DDX60L: variants seen among roughly 807,000 people sequenced by gnomAD.
The protein encoded by DDX60L is probable ATP-dependent RNA helicase DDX60-like.
A neutral mutation model predicts 211.6 loss-of-function variants in DDX60L; 191 were observed. The observed-to-expected ratio is 0.90, with a 90% CI of 0.80 to 1.02. DDX60L has a LOEUF of 1.02. Ranked by LOEUF, DDX60L falls within the 50% of genes least tolerant of loss-of-function variation. The probability of loss-of-function intolerance (pLI) is 0.00; values close to 1 mark genes in which losing one functional copy is unlikely to be tolerated. For synonymous variants in DDX60L, 706 were observed against 694.1 expected (o/e 1.02, Z -0.27); for missense variants, 2,007 against 1,984.1 (o/e 1.01, Z -0.22).
intron 33 of DDX60L, among the ~76,000 whole-genome samples, chr4:168,377,249 G>A (rs1032630268): frequency 5.3e-5 from 8 of 151,796 alleles, no homozygotes; most frequent in African/African-American, 1.5e-4. Flanking sequence ...CTGAGATTGC[G>A]CCACTGCACT....
At chr4:168,422,433 A>G (rs1750782805) in intron 16 of DDX60L, 91 bp downstream of exon 16, 2 of 1,253,756 alleles carry the variant, frequency 1.6e-6, no homozygotes, top group South Asian at 3.3e-5. Flanking sequence ...CAAGATTAAG[A>G]AGTTTATGCA....
chr4:168,457,545 A>C (rs965233072), intron 6 of DDX60L, among the ~76,000 whole-genome samples: 1 of 152,154 alleles, frequency 6.6e-6, no homozygotes, highest in Non-Finnish European at 1.5e-5. Flanking sequence ...TTAAGGTATA[A>C]TTAATTCCAC....
chr4:168,477,636 G>C (rs1297382056), intron 1 of DDX60L, among the ~76,000 whole-genome samples: 1 of 152,072 alleles, frequency 6.6e-6, no homozygotes, highest in Admixed American at 6.6e-5. Flanking sequence ...AATCAAACAT[G>C]GTATGTATCT....
intron 10 of DDX60L, 52 bp from the exon 11 acceptor site, chr4:168,433,167 T>C: frequency 1.7e-6 from 2 of 1,187,308 alleles, no homozygotes; most frequent in East Asian, 2.6e-5. Flanking sequence ...CTATCCTATA[T>C]GAATTTTGAA....
chr4:168,379,695 C>T (rs1200540173), intron 31 of DDX60L, 31 bp downstream of exon 31: 1 of 1,553,962 alleles, frequency 6.4e-7, no homozygotes, highest in South Asian at 1.1e-5. Context: ...GTACTAGTTA[C>T]AGAGAACAAA....
intron 3 of DDX60L, 119 bp downstream of exon 3, chr4:168,472,336 C>T: frequency 5.3e-6 from 4 of 748,222 alleles, no homozygotes; most frequent in South Asian, 3.9e-5. Flanking sequence ...CCATCATCTC[C>T]AAGCTGCTCC....
At chr4:168,409,883 C>T (rs1034434175) in intron 22 of DDX60L, among the ~76,000 whole-genome samples, 4 of 152,110 alleles carry the variant, frequency 2.6e-5, no homozygotes, top group Admixed American at 6.5e-5. Context: ...CCCTCTTTTT[C>T]CTCATCTGTA....
chr4:168,412,643 C>T (rs1748882725), intron 22 of DDX60L, among the ~76,000 whole-genome samples: 1 of 152,196 alleles, frequency 6.6e-6, no homozygotes, highest in South Asian at 2.1e-4. Context: ...GCTTCACCAC[C>T]TACTGATTGT....
chr4:168,360,961 C>T (rs2684346), intron 37 of DDX60L, among the ~76,000 whole-genome samples, 188 bp downstream of exon 37: 109,986 of 152,140 alleles, frequency 0.72, 40,799 homozygotes, highest in East Asian at 0.85. Context: ...AAAAAAACAG[C>T]GTGACAGTGT....
chr4:168,410,059 G>A (rs1748415872), intron 22 of DDX60L, among the ~76,000 whole-genome samples: 1 of 152,062 alleles, frequency 6.6e-6, no homozygotes, highest in Admixed American at 6.6e-5. Flanking sequence ...GGCACTATGA[G>A]CTAGCTATAA....
intron 25 of DDX60L, among the ~76,000 whole-genome samples, chr4:168,402,124 CTTT>C (rs60345965): frequency 9.2e-6 from 1 of 108,500 alleles, no homozygotes. Flanking sequence ...ACTTCAGAGG[CTTT>C]TTTTTTTTTT....
Position 168,432,498 on chromosome 4 carries a change from T to G in DDX60L, c.1473A>C (p.Arg491Ser), listed in dbSNP as rs763478470. The G allele has an allele frequency of 6.3e-7, 1 of 1,585,158 alleles. No individual in the cohort carries two copies. Among genetic ancestry groups the G allele is most frequent in the South Asian group, 1.1e-5 (1 of 87,194 alleles). ...SDELLHWHAQ[R>S]LLSDDYDRIK... ...TCCTGTCATAGTCGTCACTAAGGAG[T>G]CTTTGAGCATGCCAGTGCAAAAGTT... The change falls in exon 12 of 38, where the codon AGA (arginine) becomes AGC (serine). Residue 491 changes from arginine to serine, a missense_variant. Physicochemically the swap from Arg to Ser is moderately radical, Grantham distance 110. Transcript: ENST00000682922.
intron 22 of DDX60L, among the ~76,000 whole-genome samples, chr4:168,411,478 G>A (rs1441558366): frequency 6.6e-6 from 1 of 152,178 alleles, no homozygotes; most frequent in Non-Finnish European, 1.5e-5. Context: ...ACAGCGAAAA[G>A]CAACACCAGG....
intron 28 of DDX60L, among the ~76,000 whole-genome samples, chr4:168,393,995 A>G (rs902778339): frequency 1.3e-5 from 2 of 152,028 alleles, no homozygotes; most frequent in Non-Finnish European, 2.9e-5. Context: ...GAGTTCGAGA[A>G]CAGGCTGGCC....
At chr4:168,388,280 G>C (rs535684235) in intron 29 of DDX60L, among the ~76,000 whole-genome samples, 1 of 152,288 alleles carries the variant, frequency 6.6e-6, no homozygotes, top group East Asian at 1.9e-4. Context: ...ATTTCAATCA[G>C]GGGAAAGAAG....
At chr4:168,436,948 T>C (rs879842881) in intron 10 of DDX60L, among the ~76,000 whole-genome samples, 2 of 152,156 alleles carry the variant, frequency 1.3e-5, no homozygotes, top group Admixed American at 1.3e-4. Context: ...CCAGGGGACA[T>C]TGGGCTGCTA....
At chr4:168,448,611 T>A (rs1755181771) in intron 9 of DDX60L, 27 bp downstream of exon 9, 1 of 1,465,730 alleles carries the variant, frequency 6.8e-7, no homozygotes, top group Admixed American at 2.2e-5. Context: ...GTTCATGATA[T>A]AATGTTAATG....
intron 17 of DDX60L, among the ~76,000 whole-genome samples, chr4:168,421,368 A>T (rs1280125712): frequency 6.6e-6 from 1 of 152,220 alleles, no homozygotes; most frequent in Non-Finnish European, 1.5e-5. Flanking sequence ...AATATCAAAA[A>T]TAGTTTCTTG....
At chr4:168,427,443 G>C (rs2149915310) in intron 13 of DDX60L, 121 bp from the exon 14 acceptor site, 2 of 1,081,030 alleles carry the variant, frequency 1.9e-6, no homozygotes, top group Non-Finnish European at 2.6e-6. Context: ...CTCGTGCACA[G>C]GCAAGAATTC....
Sources: allele counts gnomAD v4.1 joint callset (sites outside exome capture counted in the v4.1 genomes callset), GRCh38; gene constraint gnomAD v4.1.1; transcripts MANE v1.5; gene names NCBI Gene and HGNC (gene_info 2026-07-23, HGNC 2026-07-21).